CCDC88C: variants seen among roughly 807,000 people sequenced by gnomAD.
CCDC88C encodes coiled-coil and HOOK domain protein 88C.
Under a neutral mutation model 198.8 loss-of-function variants are expected in CCDC88C, and 131 were observed. The ratio of observed to expected loss-of-function variants is 0.66; its 90% CI spans 0.57 to 0.76. CCDC88C has a LOEUF of 0.76. Ranked by LOEUF, CCDC88C falls within the 30% of genes least tolerant of loss-of-function variation. The pLI, the probability that CCDC88C is intolerant of heterozygous loss-of-function variation, is 0.00. For synonymous variants in CCDC88C, 1,166 were observed against 1,114.7 expected (o/e 1.05, Z -0.92); for missense variants, 2,553 against 2,631.6 (o/e 0.97, Z 0.65).
intron 3 of CCDC88C, among the ~76,000 whole-genome samples, chr14:91,385,195 C>T (rs1885052715): frequency 6.6e-6 from 1 of 152,168 alleles, no homozygotes; most frequent in Non-Finnish European, 1.5e-5. Flanking sequence ...GTGTCACCCA[C>T]CGGCCAGGAG....
At chr14:91,360,799 G>A (rs1894273485) in intron 3 of CCDC88C, among the ~76,000 whole-genome samples, 1 of 152,144 alleles carries the variant, frequency 6.6e-6, no homozygotes, top group East Asian at 1.9e-4. Flanking sequence ...TATTTCTTGG[G>A]GCAGATCAGT....
intron 3 of CCDC88C, chr14:91,384,583 G>A (rs190352333): frequency 2.2e-6 from 1 of 453,920 alleles, no homozygotes; most frequent in African/African-American, 2.0e-5. Context: ...ATTCTCAGGT[G>A]GAAAAACTAT....
chr14:91,313,880 T>A lies in CCDC88C; in HGVS notation c.1936A>T (p.Arg646Trp), dbSNP rs980159903. Residue 646 changes from arginine to tryptophan, a missense_variant, in exon 15 of 30, where the codon AGG (arginine) becomes TGG (tryptophan). Physicochemically the swap from Arg to Trp is moderately radical, Grantham distance 101 (BLOSUM62 -3). This residue lies in a region of CCDC88C where 1,260 missense variants were observed against 1,412.0 expected (regional missense o/e 0.89). Coordinates refer to ENST00000389857, the MANE Select transcript of CCDC88C (RefSeq NM_001080414.4). The surrounding 1 kb of genome is among the most constrained non-coding windows in gnomAD (Gnocchi z 5.2). Reference sequence around the variant, plus strand: ...AGGGAGGTCACCTTCCTGGCCAGCCTCCCGTTCTCCTCCTGGAGTCGCTGT... The same window carrying A: ...AGGGAGGTCACCTTCCTGGCCAGCCACCCGTTCTCCTCCTGGAGTCGCTGT... ...ELQRLQEENG[R>W]LARKVTSLET... 2 of 1,608,276 alleles carry A rather than the reference T, an allele frequency of 1.2e-6. No homozygotes were observed. Among genetic ancestry groups the A allele is most frequent in the African/African-American group, 2.7e-5 (2 of 74,806 alleles).
rs368651984 is a variant in CCDC88C at position 91,314,154 on chromosome 14, C to T, written c.1666-4G>A. ...TTTCCTGCTCAAGGTCCTTGATCTA[C>T]GGGAAAACACAACAGGCACAACCCA... is the stretch of plus-strand genomic sequence containing the variant. On this transcript the variant is annotated splice_polypyrimidine_tract_variant and splice_region_variant and intron_variant, in intron 14 of 29. Coordinates refer to ENST00000389857, the MANE Select transcript of CCDC88C (RefSeq NM_001080414.4). The T allele has an allele frequency of 1.3e-4, 207 of 1,601,540 alleles. 1 individual carries two copies. Among genetic ancestry groups the T allele is most frequent in the Admixed American group, 2.0e-4 (12 of 59,210 alleles).
intron 3 of CCDC88C, among the ~76,000 whole-genome samples, chr14:91,390,944 C>G (rs1230902161): frequency 1.3e-5 from 2 of 152,138 alleles, no homozygotes; most frequent in African/African-American, 4.8e-5. Context: ...TTCCCAGGGT[C>G]CTTGGTTTCT....
chr14:91,417,322 TG>T, intron 1 of CCDC88C: 1 of 626,472 alleles, frequency 1.6e-6, no homozygotes, highest in Non-Finnish European at 2.9e-6. Flanking sequence ...GAGTGACCAC[TG>T]GGACCCGGTC....
chr14:91,300,086 A>G lies in CCDC88C; in HGVS notation c.3636-16T>C. On this transcript the variant is annotated splice_polypyrimidine_tract_variant and intron_variant, in intron 20 of 29. Transcript: ENST00000389857. ...GTCACCGTGCCTGTTGGAGGGAAGCACCTGCCGTGAGTCTGGCCAGGGCCT... is the reference window on the plus strand; with the variant it reads ...GTCACCGTGCCTGTTGGAGGGAAGCGCCTGCCGTGAGTCTGGCCAGGGCCT... The G allele has an allele frequency of 6.3e-7, 1 of 1,599,528 alleles. No individual in the cohort carries two copies. The highest frequency in any genetic ancestry group is 1.1e-5 in the South Asian group (1 of 88,888).
chr14:91,384,532 T>G (rs1413446049), intron 3 of CCDC88C: 1 of 507,812 alleles, frequency 2.0e-6, no homozygotes, highest in African/African-American at 2.0e-5. Context: ...ACCTTCTTCA[T>G]CATAATCATC....
chr14:91,402,139 G>T (rs1886238476), intron 3 of CCDC88C, among the ~76,000 whole-genome samples: 1 of 152,086 alleles, frequency 6.6e-6, no homozygotes, highest in African/African-American at 2.4e-5. Context: ...AGCCAGACGT[G>T]GTGGCGCACA....
At chr14:91,316,354 C>G (rs1892096046) in intron 13 of CCDC88C, among the ~76,000 whole-genome samples, 3 of 152,184 alleles carry the variant, frequency 2.0e-5, no homozygotes, top group Non-Finnish European at 2.9e-5. Context: ...CATGAACTAC[C>G]TAAACAGAGG....
rs757330043 is a variant in CCDC88C at position 91,273,675 on chromosome 14, T to G, written c.5059-22A>C. 1.4e-6 allele frequency: 2 copies of G among 1,441,058 alleles called. No homozygotes were observed. The highest frequency in any genetic ancestry group is 5.3e-5 in the Admixed American group (2 of 37,960). The allele number at this position is 1,441,058 out of a possible 1,614,324, so 89.3% of individuals were successfully genotyped here. A position where few individuals can be genotyped will look rare whatever the true frequency, so the allele number is the denominator to read the frequency against. ...TGTCCTACGGAGAAGAGAGTGAAGG[T>G]TGGAGGTGGGCATGAGGGTTGGGTG... On this transcript the variant is annotated intron_variant, in intron 29 of 29. Coordinates refer to ENST00000389857, the MANE Select transcript of CCDC88C (RefSeq NM_001080414.4). This position sits in a 1 kb window ranked among gnomAD's most constrained non-coding sequence, Gnocchi z 5.6.
At chr14:91,300,117 T>C in intron 20 of CCDC88C, 47 bp from the exon 21 acceptor site, 1 of 1,583,520 alleles carries the variant, frequency 6.3e-7, no homozygotes, top group Non-Finnish European at 8.6e-7. Flanking sequence ...GGCCTTCTTT[T>C]CCGACAGGTA....
intron 4 of CCDC88C, among the ~76,000 whole-genome samples, chr14:91,350,855 T>C (rs1893750753): frequency 6.6e-6 from 1 of 152,188 alleles, no homozygotes; most frequent in Non-Finnish European, 1.5e-5. Context: ...CATGCTACCA[T>C]GTGACTTAAT....
In CCDC88C at chr14:91,371,293, G is replaced by C. The variant is rs1894787473; in HGVS notation, c.271-11582C>G. 6.6e-6 allele frequency among the ~76,000 whole-genome samples: 1 copy of C among 152,046 alleles called. No individual in the cohort carries two copies. The highest frequency in any genetic ancestry group is 2.1e-4 in the South Asian group (1 of 4,822). ...AAGTCAGTATTTTTGCTGATGGATG[G>C]AAAAGTCAGTAGTTCTGCTGATGGA... is the stretch of plus-strand genomic sequence containing the variant. On this transcript the variant is annotated intron_variant, in intron 3 of 29. Transcript: ENST00000389857. This position sits in a 1 kb window ranked among gnomAD's most constrained non-coding sequence, Gnocchi z 4.2.
At chr14:91,279,088 T>A (rs1890091773) in intron 28 of CCDC88C, 150 bp downstream of exon 28, 2 of 655,390 alleles carry the variant, frequency 3.1e-6, no homozygotes, top group South Asian at 3.3e-5. Flanking sequence ...TTTTTAGAGA[T>A]GGGGTTTCGC....
At position 91,316,468 on chromosome 14, in the gene CCDC88C, G is replaced by A. The variant is rs1292921459; in HGVS notation, c.1528-681C>T. The stretch of plus-strand genomic sequence containing the variant: ...ATGGAGTTTTGCTCTTGTCGCCCAG[G>A]ATGGAGTACAATGGCATGATCTTGG... On this transcript the variant is annotated intron_variant, in intron 13 of 29. Coordinates refer to ENST00000389857, the MANE Select transcript of CCDC88C (RefSeq NM_001080414.4). Among the ~76,000 whole-genome samples, 5 of 151,970 alleles carry A rather than the reference G, an allele frequency of 3.3e-5. No individual in the cohort carries two copies. The East Asian group carries it at 7.7e-4, about 24-fold the overall frequency.
intron 12 of CCDC88C, among the ~76,000 whole-genome samples, chr14:91,323,381 C>G (rs533554048): frequency 6.6e-6 from 1 of 152,210 alleles, no homozygotes; most frequent in African/African-American, 2.4e-5. Flanking sequence ...TCTTGTGAGG[C>G]AGGTTCATTA....
At chr14:91,344,938 G>A (rs1430539885) in intron 4 of CCDC88C, among the ~76,000 whole-genome samples, 1 of 151,214 alleles carries the variant, frequency 6.6e-6, no homozygotes, top group Non-Finnish European at 1.5e-5. Flanking sequence ...CTAGACTACA[G>A]GTGCGCATCA....
chr14:91,396,635 G>A (rs149483443), intron 3 of CCDC88C, among the ~76,000 whole-genome samples: 2 of 152,194 alleles, frequency 1.3e-5, no homozygotes, highest in African/African-American at 2.4e-5. Flanking sequence ...TAATTTTTCC[G>A]GAAGCACAAA....
Sources: gnomAD v4.1 joint callset for allele counts (sites outside exome capture counted in the v4.1 genomes callset) on GRCh38, gnomAD v4.1.1 for gene constraint, gnomAD v4.1.1 regional missense constraint, Gnocchi (gnomAD v3.1) non-coding constraint, MANE v1.5 for transcripts, NCBI Gene and HGNC (gene_info 2026-07-23, HGNC 2026-07-21) for gene names.